KPNA7: variants seen among roughly 807,000 people sequenced by gnomAD.
The protein encoded by KPNA7 is importin subunit alpha-8.
In KPNA7, 54 loss-of-function variants were observed where a neutral mutation model predicts 53.7. The observed-to-expected ratio is 1.01, with a 90% CI of 0.81 to 1.26. The LOEUF is 1.26. Ranked by LOEUF, KPNA7 falls within the 50% of genes most tolerant of loss-of-function variation. The pLI, the probability that KPNA7 is intolerant of heterozygous loss-of-function variation, is 0.00. For synonymous variants in KPNA7, 276 were observed against 259.3 expected, an observed-to-expected ratio of 1.06 and a Z score of -0.62; for missense variants, 640 against 644.5, an observed-to-expected ratio of 0.99 and a Z score of 0.07.
At chr7:99,184,573 T>C (rs999008156) in intron 8 of KPNA7, among the ~76,000 whole-genome samples, 2 of 152,186 alleles carry the variant, frequency 1.3e-5, no homozygotes, top group African/African-American at 2.4e-5. Context: ...TGATATGTTT[T>C]TCCTCCTAAA....
intron 2 of KPNA7, 38 bp downstream of exon 2, chr7:99,207,363 T>A (rs1790865365): frequency 6.5e-7 from 1 of 1,536,698 alleles, no homozygotes; most frequent in African/African-American, 1.4e-5. Flanking sequence ...CAGATTGCAC[T>A]GGTCCCCAAT....
At chr7:99,192,946 G>A (rs1790029828) in intron 6 of KPNA7, 73 bp downstream of exon 6, 3 of 1,047,090 alleles carry the variant, frequency 2.9e-6, no homozygotes, top group African/African-American at 3.3e-5. Flanking sequence ...AGAATGGTGA[G>A]GCTCCATCTC....
intron 2 of KPNA7, among the ~76,000 whole-genome samples, chr7:99,203,536 C>G (rs890766047): frequency 5.9e-5 from 9 of 152,008 alleles, no homozygotes; most frequent in Non-Finnish European, 2.9e-5. Context: ...TCCCATTGCC[C>G]TAAGTCTGAA....
intron 9 of KPNA7, among the ~76,000 whole-genome samples, chr7:99,181,506 T>A (rs34723720): frequency 0.094 from 14,330 of 152,186 alleles, 795 homozygotes; most frequent in African/African-American, 0.15. Flanking sequence ...ACAGGACACA[T>A]GGACAGAGGA....
the KPNA7 span, among the ~76,000 whole-genome samples, chr7:99,168,141 C>T: frequency 0.013 from 1,938 of 152,232 alleles, 50 homozygotes; most frequent in African/African-American, 0.045. Flanking sequence ...ACTTACCTTA[C>T]ATTGGTTTAT....
At chr7:99,165,228 A>T in the KPNA7 span, among the ~76,000 whole-genome samples, 3 of 152,088 alleles carry the variant, frequency 2.0e-5, no homozygotes, top group African/African-American at 7.2e-5. Flanking sequence ...CACCTAGCAG[A>T]TGTCTACCAA....
chr7:99,162,746 T>G, the KPNA7 span, among the ~76,000 whole-genome samples: 4 of 152,116 alleles, frequency 2.6e-5, no homozygotes, highest in Admixed American at 2.6e-4. Flanking sequence ...CTCTTTTAAT[T>G]AAAAAAATTT....
At chr7:99,173,859 G>T (rs1798816852) in intron 10 of KPNA7, 65 bp from the exon 11 acceptor site, 1 of 965,886 alleles carries the variant, frequency 1.0e-6, no homozygotes, top group Non-Finnish European at 1.6e-6. Context: ...TGCACATTTG[G>T]CAAGATGCAC....
intron 5 of KPNA7, among the ~76,000 whole-genome samples, chr7:99,194,794 G>A (rs7793510): frequency 0.085 from 12,946 of 151,992 alleles, 579 homozygotes; most frequent in South Asian, 0.15. Context: ...TAGTAGAGAC[G>A]GGGTTTCACC....
downstream of KPNA7, among the ~76,000 whole-genome samples, chr7:99,169,366 T>C (rs993629824): frequency 3.9e-4 from 60 of 151,942 alleles, no homozygotes; most frequent in African/African-American, 1.2e-3. Context: ...ACGCCTGTAA[T>C]CCCAACACTT....
chr7:99,187,398 GT>G (rs796786120), intron 7 of KPNA7, among the ~76,000 whole-genome samples: 26 of 149,554 alleles, frequency 1.7e-4, no homozygotes, highest in African/African-American at 4.9e-4. Context: ...ATAATGGGTT[GT>G]TTTTTTTTTT....
At position 99,173,772 on chromosome 7, in the gene KPNA7, A is replaced by C; in HGVS notation, c.1487T>G (p.Leu496Ter). The part of the protein sequence containing the change: ...FGEEEDESQT[L>*]LSQVIDQDYE... ...ATCTTGGTCTATGACTTGGCTCAGT[A>C]AAGTTTGGCTCTCATCTTCTTCCTT... is the stretch of plus-strand genomic sequence containing the variant. The change falls in exon 11 of 11, where the codon TTA (leucine) becomes TGA (stop). Residue 496 changes from leucine (L) to a stop codon, truncating the protein, a stop_gained. Transcript: ENST00000327442. LOFTEE classifies it low-confidence loss of function (END_TRUNC). The C allele has an allele frequency of 6.4e-7, 1 of 1,551,000 alleles. No homozygotes were observed. Among genetic ancestry groups the C allele is most frequent in the African/African-American group, 1.4e-5 (1 of 73,138 alleles).
the KPNA7 span, among the ~76,000 whole-genome samples, chr7:99,166,052 G>A: frequency 6.6e-6 from 1 of 152,004 alleles, no homozygotes; most frequent in East Asian, 1.9e-4. Context: ...TGTAAGACGT[G>A]CCTGCCTCCC....
At chr7:99,163,812 C>T in the KPNA7 span, among the ~76,000 whole-genome samples, 10 of 152,050 alleles carry the variant, frequency 6.6e-5, no homozygotes, top group African/African-American at 2.4e-4. Context: ...AATAATGTCT[C>T]GAGTTACGGT....
chr7:99,164,336 T>C, the KPNA7 span, among the ~76,000 whole-genome samples: 4 of 151,946 alleles, frequency 2.6e-5, no homozygotes, highest in East Asian at 5.8e-4. Flanking sequence ...ATGTCCTTTG[T>C]AGGGACATGG....
chr7:99,182,592 C>T (rs578034828), intron 8 of KPNA7, among the ~76,000 whole-genome samples: 1 of 152,256 alleles, frequency 6.6e-6, no homozygotes, highest in South Asian at 2.1e-4. Context: ...ATCTCGGCCT[C>T]CCAAAGTGTT....
At chr7:99,215,232 C>G (rs1266090206) in intron 1 of KPNA7, among the ~76,000 whole-genome samples, 1 of 151,394 alleles carries the variant, frequency 6.6e-6, no homozygotes, top group African/African-American at 2.4e-5. Flanking sequence ...ATTAGCTGGG[C>G]GTGGTGGTGG....
At chr7:99,196,715 G>GA (rs556631460) in intron 3 of KPNA7, among the ~76,000 whole-genome samples, 97 of 151,900 alleles carry the variant, frequency 6.4e-4, no homozygotes, top group African/African-American at 2.2e-3. Flanking sequence ...CAATCATTGT[G>GA]AAAAACCAAC....
chr7:99,156,277 G>A, the KPNA7 span, among the ~76,000 whole-genome samples: 102,071 of 151,956 alleles, frequency 0.67, 35,436 homozygotes, highest in East Asian at 0.9. Flanking sequence ...CTAAATTTAT[G>A]GTTATAATTT....
Sources: allele counts gnomAD v4.1 joint callset (sites outside exome capture counted in the v4.1 genomes callset), GRCh38; gene constraint gnomAD v4.1.1; transcripts MANE v1.5; gene names NCBI Gene and HGNC (gene_info 2026-07-23, HGNC 2026-07-21).